Variants in SSBP2 observed in about 807,000 individuals in gnomAD.
The protein encoded by SSBP2 is single stranded DNA binding protein 2.
A neutral mutation model predicts 61.8 loss-of-function variants in SSBP2; 17 were observed. The ratio of observed to expected loss-of-function variants is 0.28; its 90% CI spans 0.19 to 0.41. The LOEUF (loss-of-function observed/expected upper bound fraction) is 0.41, where lower values mean the gene tolerates loss of function less well. Ranked by LOEUF, SSBP2 falls within the 10% of genes least tolerant of loss-of-function variation. SSBP2 has a pLI of 1.00. For missense variants in SSBP2, 310 were observed against 458.7 expected, an observed-to-expected ratio of 0.68 and a Z score of 2.96; for synonymous variants, 139 against 141.3, an observed-to-expected ratio of 0.98 and a Z score of 0.12.
At chr5:81,565,145 T>C (rs933053702) in intron 4 of SSBP2, among the ~76,000 whole-genome samples, 1 of 152,214 alleles carries the variant, frequency 6.6e-6, no homozygotes, top group Non-Finnish European at 1.5e-5. Context: ...TAAATTCTTC[T>C]GCTTCTTCTA....
rs576604811 is a variant in SSBP2, at chr5:81,742,829, G to A, written c.62+8152C>T. Among the ~76,000 whole-genome samples the A allele has an allele frequency of 1.4e-4, 22 of 152,160 alleles. No individual in the cohort carries two copies. The East Asian group carries it at 3.5e-3, about 24-fold the overall frequency. On this transcript the variant is annotated intron_variant, in intron 1 of 16. Transcript: ENST00000320672. ...GGGTGTGTGGAAGTTGCAGAGAGCC[G>A]AGATTGCGCCACTTCACTCCAGCCT...
At chr5:81,685,436 G>A (rs1581341675) in intron 1 of SSBP2, among the ~76,000 whole-genome samples, 1 of 151,956 alleles carries the variant, frequency 6.6e-6, no homozygotes, top group Admixed American at 6.6e-5. Context: ...GTAAGATATG[G>A]ATAATCAGGC....
At chr5:81,480,356 G>A (rs112123321) in intron 6 of SSBP2, among the ~76,000 whole-genome samples, 69 of 152,264 alleles carry the variant, frequency 4.5e-4, no homozygotes, top group Non-Finnish European at 7.2e-4. Flanking sequence ...TTGGTTTCCC[G>A]TGAATATATG....
intron 4 of SSBP2, among the ~76,000 whole-genome samples, chr5:81,587,941 T>C (rs1255324934): frequency 6.6e-6 from 1 of 152,130 alleles, no homozygotes; most frequent in Non-Finnish European, 1.5e-5. Context: ...GTGCAAAACA[T>C]CTTGGTCGTT....
intron 1 of SSBP2, among the ~76,000 whole-genome samples, chr5:81,675,244 T>C (rs1192849354): frequency 6.6e-6 from 1 of 152,208 alleles, no homozygotes; most frequent in African/African-American, 2.4e-5. Context: ...ACCAAATTTT[T>C]AGCTAGACAC....
intron 10 of SSBP2, among the ~76,000 whole-genome samples, chr5:81,449,715 C>T (rs1388711298): frequency 6.6e-6 from 1 of 152,040 alleles, no homozygotes; most frequent in Non-Finnish European, 1.5e-5. Context: ...GTTATGATTT[C>T]CTCTTGATAA....
chr5:81,432,868 G>C (rs1447071055), intron 15 of SSBP2, among the ~76,000 whole-genome samples: 1 of 149,860 alleles, frequency 6.7e-6, no homozygotes, highest in Non-Finnish European at 1.5e-5. Flanking sequence ...GCCTCTGCCT[G>C]GCCACCCCTA....
rs1761420550 is a variant in SSBP2, at chr5:81,418,595, A to G, written c.*1909T>C. The G allele has an allele frequency of 6.6e-6, 1 of 152,210 alleles. No individual in the cohort carries two copies. Among genetic ancestry groups the G allele is most frequent in the Non-Finnish European group, 1.5e-5 (1 of 68,036 alleles). The allele number at this position is 152,210 out of a possible 1,614,324, so 9.4% of individuals were successfully genotyped here. On this transcript the variant is annotated 3_prime_UTR_variant, in exon 17 of 17. Transcript: ENST00000320672. ...AATATTGTCCTTGTCTGAACATCAT[A>G]GAGTGTACTTACACAAACCTAGATG... is the stretch of plus-strand genomic sequence containing the variant.
chr5:81,692,526 C>T (rs1008221582), intron 1 of SSBP2, among the ~76,000 whole-genome samples: 3 of 151,978 alleles, frequency 2.0e-5, no homozygotes, highest in Non-Finnish European at 4.4e-5. Flanking sequence ...TATATAGAAC[C>T]ACAAAAGATT....
intron 4 of SSBP2, among the ~76,000 whole-genome samples, chr5:81,592,859 A>C (rs1207171120): frequency 7.9e-5 from 12 of 152,212 alleles, no homozygotes; most frequent in Admixed American, 7.9e-4. Flanking sequence ...ATCATCAAAG[A>C]CCAAAGGTGG....
At chr5:81,613,443 T>C (rs1410507560) in intron 4 of SSBP2, among the ~76,000 whole-genome samples, 4 of 152,200 alleles carry the variant, frequency 2.6e-5, no homozygotes, top group African/African-American at 9.6e-5. Flanking sequence ...AAGTGTCTTA[T>C]GAATGCAAGA....
chr5:81,437,536 A>T, intron 14 of SSBP2, 78 bp from the exon 15 acceptor site: 1 of 1,272,804 alleles, frequency 7.9e-7, no homozygotes, highest in South Asian at 1.3e-5. Context: ...AATTTAAATA[A>T]GTGAAGTATA....
At chr5:81,465,799 G>A (rs1478018281) in intron 9 of SSBP2, among the ~76,000 whole-genome samples, 1 of 151,938 alleles carries the variant, frequency 6.6e-6, no homozygotes, top group Non-Finnish European at 1.5e-5. Flanking sequence ...ACAAGGCCAA[G>A]CCTTTGAGGA....
chr5:81,589,169 A>G (rs1775306969), intron 4 of SSBP2, among the ~76,000 whole-genome samples: 1 of 152,250 alleles, frequency 6.6e-6, no homozygotes. Context: ...CACGTATCAA[A>G]AAGTCAGGAC....
chr5:81,606,931 A>T (rs1465372964), intron 4 of SSBP2, among the ~76,000 whole-genome samples: 1 of 152,204 alleles, frequency 6.6e-6, no homozygotes, highest in African/African-American at 2.4e-5. Context: ...TCCAGGCTAG[A>T]GCAAAAAGTA....
intron 4 of SSBP2, among the ~76,000 whole-genome samples, chr5:81,548,954 G>C (rs1771964026): frequency 1.3e-5 from 2 of 151,990 alleles, no homozygotes; most frequent in South Asian, 4.1e-4. Flanking sequence ...AGATAGTTTT[G>C]TCTTTCATAA....
At chr5:81,622,973 A>G (rs382297) in intron 3 of SSBP2, among the ~76,000 whole-genome samples, 110,404 of 152,164 alleles carry the variant, frequency 0.73, 41,440 homozygotes, top group East Asian at 0.93. Flanking sequence ...AATAATTTAA[A>G]TAAATTTCAA....
At chr5:81,737,918 T>C (rs540598617) in intron 1 of SSBP2, among the ~76,000 whole-genome samples, 2 of 152,302 alleles carry the variant, frequency 1.3e-5, no homozygotes, top group Admixed American at 6.5e-5. Flanking sequence ...CAGTCCTTTA[T>C]GCGTTTCCCT....
intron 1 of SSBP2, among the ~76,000 whole-genome samples, chr5:81,739,384 T>C (rs1756852104): frequency 6.6e-6 from 1 of 152,174 alleles, no homozygotes; most frequent in Non-Finnish European, 1.5e-5. Context: ...ATCTTCCACT[T>C]TGACTAATGC....
Sources: allele counts gnomAD v4.1 joint callset (sites outside exome capture counted in the v4.1 genomes callset), GRCh38; gene constraint gnomAD v4.1.1; transcripts MANE v1.5; gene names NCBI Gene and HGNC (gene_info 2026-07-23, HGNC 2026-07-21).